The following SPECC1 variants were observed in gnomAD, a reference collection of about 807,000 sequenced individuals.
SPECC1 encodes the protein sperm antigen with calponin homology and coiled-coil domains 1.
SPECC1 carries 62 observed loss-of-function variants against 104.1 expected under a neutral mutation model. The observed-to-expected ratio is 0.60, with a 90% CI of 0.49 to 0.74. The LOEUF is 0.74. Among genes scored for constraint, SPECC1 ranks in the 30% least tolerant of loss-of-function variants. SPECC1 has a pLI of 0.00. For missense variants in SPECC1, 1,306 were observed against 1,310.5 expected (o/e 1.00, Z 0.05); for synonymous variants, 513 against 501.6 (o/e 1.02, Z -0.30).
intron 3 of SPECC1, among the ~76,000 whole-genome samples, chr17:20,159,250 A>C (rs2032911433): frequency 6.6e-6 from 1 of 151,836 alleles, no homozygotes; most frequent in Non-Finnish European, 1.5e-5. Context: ...TGGCGTAGAG[A>C]TGGGATCTTG....
chr17:20,053,136 G>A (rs1274316628), intron 1 of SPECC1, among the ~76,000 whole-genome samples: 1 of 151,946 alleles, frequency 6.6e-6, no homozygotes, highest in Non-Finnish European at 1.5e-5. Context: ...ATGCTTATAT[G>A]GTTCCTTTCT....
chr17:20,162,809 C>T (rs1341707893), intron 3 of SPECC1, among the ~76,000 whole-genome samples: 1 of 152,204 alleles, frequency 6.6e-6, no homozygotes. Flanking sequence ...GGGCGGATCA[C>T]CCGAAGTTGG....
chr17:20,186,962 G>A (rs920929486), intron 3 of SPECC1, among the ~76,000 whole-genome samples: 1 of 152,176 alleles, frequency 6.6e-6, no homozygotes, highest in Non-Finnish European at 1.5e-5. Flanking sequence ...CACTACACCA[G>A]TTCTATGTGC....
intron 3 of SPECC1, among the ~76,000 whole-genome samples, chr17:20,174,233 G>T (rs1319429443): frequency 2.0e-5 from 3 of 152,042 alleles, no homozygotes; most frequent in Admixed American, 2.0e-4. Flanking sequence ...CTGGCTGGCA[G>T]TTGAAGTTTT....
intron 3 of SPECC1, 50 bp from the exon 4 acceptor site, chr17:20,204,283 A>T (rs575389072): frequency 1.3e-6 from 2 of 1,561,304 alleles, no homozygotes; most frequent in Non-Finnish European, 1.7e-6. Context: ...GGTTTTGTTT[A>T]TAAGAATGCT....
intron 3 of SPECC1, among the ~76,000 whole-genome samples, chr17:20,175,380 A>T (rs1169685401): frequency 1.3e-5 from 2 of 152,172 alleles, no homozygotes; most frequent in Non-Finnish European, 2.9e-5. Flanking sequence ...GCTTTTGTTT[A>T]CTGCAAGTTT....
At chr17:20,059,083 G>C (rs922910967) in intron 1 of SPECC1, among the ~76,000 whole-genome samples, 1 of 151,572 alleles carries the variant, frequency 6.6e-6, no homozygotes, top group East Asian at 1.9e-4. Context: ...CTCGTGATCC[G>C]CCTGCCTTGG....
chr17:20,190,229 A>G (rs1351929713), intron 3 of SPECC1, among the ~76,000 whole-genome samples: 1 of 152,164 alleles, frequency 6.6e-6, no homozygotes, highest in East Asian at 1.9e-4. Context: ...TCTAAGTCCA[A>G]AGGATCAGTG....
intron 3 of SPECC1, among the ~76,000 whole-genome samples, chr17:20,151,172 T>C (rs2031971686): frequency 6.6e-6 from 1 of 152,182 alleles, no homozygotes; most frequent in Non-Finnish European, 1.5e-5. Flanking sequence ...TGACTTATGA[T>C]GGTTTGACTT....
intron 1 of SPECC1, among the ~76,000 whole-genome samples, chr17:20,025,242 AG>A (rs2044554962): frequency 6.6e-6 from 1 of 152,182 alleles, no homozygotes; most frequent in East Asian, 1.9e-4. Flanking sequence ...CAGGGCCCTC[AG>A]AAAGAACCAG....
At chr17:20,292,266 T>C (rs1257648555) in intron 12 of SPECC1, among the ~76,000 whole-genome samples, 1 of 151,970 alleles carries the variant, frequency 6.6e-6, no homozygotes, top group Non-Finnish European at 1.5e-5. Context: ...GTCCATAACA[T>C]CTGGTTTGAA....
At chr17:20,053,785 C>A (rs921707353) in intron 1 of SPECC1, among the ~76,000 whole-genome samples, 1 of 152,240 alleles carries the variant, frequency 6.6e-6, no homozygotes, top group Non-Finnish European at 1.5e-5. Context: ...TTGATTGCAA[C>A]CTCTTGAGAA....
Position 20,205,841 on chromosome 17 carries a change from T to C in SPECC1, c.1792T>C (p.Cys598Arg). The stretch of plus-strand genomic sequence containing the variant: ...AGAGAAAGATCTACTGGAACTGTCT[T>C]GCAATGAGCTCAGACAAGAATTACT... ...RAEKDLLELS[C>R]NELRQELLKA... is the part of the protein sequence containing the mutation. Residue 598 changes from cysteine to arginine, a missense_variant, in exon 4 of 15, where the codon TGC (cysteine) becomes CGC (arginine). Around this residue, in one of 2 missense-constraint regions of SPECC1, gnomAD observed 1,177 missense variants for 1,139.9 expected, o/e 1.03. Coordinates refer to ENST00000395527, the MANE Select transcript of SPECC1 (RefSeq NM_001243439.2). 2 of 1,614,134 alleles carry C rather than the reference T, an allele frequency of 1.2e-6. No individual in the cohort carries two copies. The highest frequency in any genetic ancestry group is 8.5e-7 in the Non-Finnish European group (1 of 1,180,020).
chr17:20,064,379 G>C (rs2046293222), intron 1 of SPECC1, among the ~76,000 whole-genome samples: 1 of 152,204 alleles, frequency 6.6e-6, no homozygotes, highest in Non-Finnish European at 1.5e-5. Flanking sequence ...CCCCAAATTA[G>C]TTTAACATCT....
intron 1 of SPECC1, among the ~76,000 whole-genome samples, chr17:20,010,534 T>C (rs1037193784): frequency 2.0e-5 from 3 of 152,220 alleles, no homozygotes; most frequent in African/African-American, 7.2e-5. Flanking sequence ...TTTGCAGGAT[T>C]AACTCTCCAA....
At chr17:20,253,040 A>C (rs1185996997) in intron 9 of SPECC1, among the ~76,000 whole-genome samples, 1 of 142,094 alleles carries the variant, frequency 7.0e-6, no homozygotes, top group African/African-American at 2.6e-5. Context: ...GTTCTTTTTC[A>C]GTTTTTTTTT....
intron 3 of SPECC1, among the ~76,000 whole-genome samples, chr17:20,192,661 GTTTC>G (rs1326588554): frequency 5.9e-5 from 9 of 152,030 alleles, no homozygotes; most frequent in Non-Finnish European, 1.2e-4. Context: ...CTACCTCCCA[GTTTC>G]TTTCATCTGT....
intron 4 of SPECC1, among the ~76,000 whole-genome samples, chr17:20,224,632 C>G (rs1470404543): frequency 2.0e-5 from 3 of 152,082 alleles, no homozygotes; most frequent in African/African-American, 7.2e-5. Flanking sequence ...ACCGCCACCC[C>G]AAGCCTGTGG....
At chr17:20,113,202 A>G (rs763785321) in intron 3 of SPECC1, among the ~76,000 whole-genome samples, 2 of 152,162 alleles carry the variant, frequency 1.3e-5, no homozygotes, top group Non-Finnish European at 2.9e-5. Flanking sequence ...CTCATTTAAT[A>G]GATATAGGGA....
Sources: allele counts gnomAD v4.1 joint callset (sites outside exome capture counted in the v4.1 genomes callset), GRCh38; gene constraint gnomAD v4.1.1; regional missense constraint gnomAD v4.1.1; transcripts MANE v1.5; gene names NCBI Gene and HGNC (gene_info 2026-07-23, HGNC 2026-07-21).